Variants in FAM91A1 observed in about 807,000 individuals in gnomAD.
FAM91A1 encodes the protein family with sequence similarity 91 member A1.
In FAM91A1, 41 loss-of-function variants were observed where a neutral mutation model predicts 113.5. That is an observed-to-expected ratio of 0.36 (90% CI 0.28 to 0.47). FAM91A1 has a LOEUF of 0.47. FAM91A1 is among the 20% of genes least tolerant of loss of function. The probability of loss-of-function intolerance (pLI) is 1.00; values close to 1 mark genes in which losing one functional copy is unlikely to be tolerated. For synonymous variants in FAM91A1, 307 were observed against 347.9 expected (o/e 0.88, Z 1.31); for missense variants, 696 against 1,001.2 (o/e 0.70, Z 4.11).
chr8:123,800,931 G>A (rs1487335887), intron 18 of FAM91A1, among the ~76,000 whole-genome samples: 1 of 152,100 alleles, frequency 6.6e-6, no homozygotes, highest in East Asian at 1.9e-4. Flanking sequence ...ATCAGTTGAT[G>A]GACATGTGGG....
Position 123,812,434 on chromosome 8 carries a change from A to G in FAM91A1, c.2332-85A>G, listed in dbSNP as rs576393754. On this transcript the variant is annotated intron_variant, in intron 23 of 23. Coordinates refer to ENST00000334705, the MANE Select transcript of FAM91A1 (RefSeq NM_144963.4). ...GCAATCCATAAACACTTCTCAGGTA[A>G]TCAAGGTCTCTCTTTCTCATTAGTT... is the stretch of plus-strand genomic sequence containing the variant. The G allele has an allele frequency of 3.0e-5, 36 of 1,208,068 alleles. No homozygotes were observed. The East Asian group carries it at 8.3e-4, about 28-fold the overall frequency. The allele number at this position is 1,208,068 out of a possible 1,614,324, so 74.8% of individuals were successfully genotyped here.
intron 2 of FAM91A1, among the ~76,000 whole-genome samples, chr8:123,774,719 A>G (rs548325315): frequency 3.3e-4 from 51 of 152,248 alleles, no homozygotes; most frequent in South Asian, 1.9e-3. Context: ...TTCTTCATGA[A>G]CATTTTCCAT....
rs1221019163 is a variant in FAM91A1, at chr8:123,815,421, A to T, written c.*2717A>T. ...TGACACATATAACATGTTTACAAAT[A>T]AACTGTGGTATTGATCAAGTTACTA... On this transcript the variant is annotated 3_prime_UTR_variant, in exon 24 of 24. Transcript: ENST00000334705. The T allele has an allele frequency of 5.2e-5, 8 of 152,656 alleles. No homozygotes were observed. In the East Asian group the frequency reaches 7.7e-4, roughly 15 times the overall value. 9.5% of individuals were successfully genotyped at this position (152,656 alleles called of 1,614,324 possible). A position where few individuals can be genotyped will look rare whatever the true frequency, so the allele number is the denominator to read the frequency against.
chr8:123,791,984 G>A (rs1029400744), intron 15 of FAM91A1, among the ~76,000 whole-genome samples: 2 of 152,130 alleles, frequency 1.3e-5, no homozygotes, highest in Non-Finnish European at 2.9e-5. Flanking sequence ...ACACCAGCAT[G>A]GCCAACATGG....
At chr8:123,777,233 A>ATTTTTTTCTT in intron 3 of FAM91A1, 32 bp from the exon 4 acceptor site, 1 of 1,392,956 alleles carries the variant, frequency 7.2e-7, no homozygotes, top group Non-Finnish European at 1.0e-6. Flanking sequence ...GACATTTTAG[A>ATTTTTTTCTT]TTTCAAATTT....
chr8:123,776,427 G>T (rs1031579121), intron 3 of FAM91A1, among the ~76,000 whole-genome samples: 1 of 152,194 alleles, frequency 6.6e-6, no homozygotes, highest in Admixed American at 6.5e-5. Context: ...CTTCATGGGT[G>T]CTTCTGCAGT....
chr8:123,782,456 T>C (rs1319659255), intron 8 of FAM91A1, among the ~76,000 whole-genome samples: 1 of 152,200 alleles, frequency 6.6e-6, no homozygotes, highest in South Asian at 2.1e-4. Flanking sequence ...GATATAAATA[T>C]AAATGGAGAT....
chr8:123,786,020 T>C (rs539986525), intron 11 of FAM91A1: 78 of 428,606 alleles, frequency 1.8e-4, no homozygotes, highest in African/African-American at 1.4e-3. Flanking sequence ...GGTTTCACCA[T>C]GTTAGCCAGG....
At chr8:123,781,842 C>T (rs934543029) in intron 8 of FAM91A1, among the ~76,000 whole-genome samples, 2 of 152,080 alleles carry the variant, frequency 1.3e-5, no homozygotes, top group Non-Finnish European at 1.5e-5. Flanking sequence ...TACTAATTTG[C>T]GTTTGTATAG....
chr8:123,793,274 A>G (rs371765407), intron 15 of FAM91A1, among the ~76,000 whole-genome samples: 1 of 152,106 alleles, frequency 6.6e-6, no homozygotes. Context: ...GTGGGGAGAT[A>G]CTTTGAGACC....
In FAM91A1 at chr8:123,814,343, ATTT is replaced by A; in HGVS notation, c.*1649_*1651del. 3 of 193,190 alleles carry A rather than the reference ATTT, an allele frequency of 1.6e-5. No individual in the cohort carries two copies. The highest frequency in any genetic ancestry group is 2.1e-5 in the Non-Finnish European group (2 of 95,202). 12.0% of individuals were successfully genotyped at this position (193,190 alleles called of 1,614,324 possible). A position where few individuals can be genotyped will look rare whatever the true frequency, so the allele number is the denominator to read the frequency against. On this transcript the variant is annotated 3_prime_UTR_variant, in exon 24 of 24. Coordinates refer to ENST00000334705, the MANE Select transcript of FAM91A1 (RefSeq NM_144963.4). ...AGTTTTTCAGCTGAAAGTTGTAAGT[ATTT>A]TTTTTTTTTGATCGGGGCTCTTTAA...
In FAM91A1 at chr8:123,778,576, A is replaced by G. The variant is rs1281870846; in HGVS notation, c.436-83A>G. 5 of 917,054 alleles carry G rather than the reference A, an allele frequency of 5.5e-6. No individual in the cohort carries two copies. In the African/African-American group the frequency reaches 8.3e-5, roughly 15 times the overall value. The allele number at this position is 917,054 out of a possible 1,614,324, so 56.8% of individuals were successfully genotyped here. A position where few individuals can be genotyped will look rare whatever the true frequency, so the allele number is the denominator to read the frequency against. ...TAAGAAGATATTTATTTAGTCCATT[A>G]GAAACAATCTTATGATATGATTGAT... On this transcript the variant is annotated intron_variant, in intron 5 of 23. Coordinates refer to ENST00000334705, the MANE Select transcript of FAM91A1 (RefSeq NM_144963.4).
chr8:123,810,935 G>A (rs1815939811), intron 23 of FAM91A1: 1 of 152,800 alleles, frequency 6.5e-6, no homozygotes. Context: ...AAACAGTGAT[G>A]TGTAAGATAC....
At chr8:123,791,410 C>T (rs996456067) in intron 15 of FAM91A1, among the ~76,000 whole-genome samples, 2 of 151,952 alleles carry the variant, frequency 1.3e-5, no homozygotes, top group African/African-American at 4.8e-5. Flanking sequence ...AATTTTTTCC[C>T]CATGAATAGT....
rs75033407 is a variant in FAM91A1, at chr8:123,790,174, G to T, written c.1411+429G>T. Among the ~76,000 whole-genome samples the T allele has an allele frequency of 3.0e-4, 46 of 152,274 alleles. No homozygotes were observed. The East Asian group carries it at 8.5e-3, about 28-fold the overall frequency. ...AATGCTACTGCAATACTTACCAAAA[G>T]ATTTTACTTTTAAAAAGGAAATAGA... On this transcript the variant is annotated intron_variant, in intron 15 of 23. Coordinates refer to ENST00000334705, the MANE Select transcript of FAM91A1 (RefSeq NM_144963.4).
At position 123,784,677 on chromosome 8, in the gene FAM91A1, A is replaced by G. The variant is rs532795991; in HGVS notation, c.810+101A>G. 86 of 702,652 alleles carry G rather than the reference A, an allele frequency of 1.2e-4. 2 individuals carry two copies. The highest frequency in any genetic ancestry group is 9.6e-4 in the Middle Eastern group (3 of 3,134). The allele number at this position is 702,652 out of a possible 1,614,324, so 43.5% of individuals were successfully genotyped here. A position where few individuals can be genotyped will look rare whatever the true frequency, so the allele number is the denominator to read the frequency against. ...ATGGTAGTATCTTTTTAAAATCTCC[A>G]TGTGGGGAGATCATACCATTATTAC... is the stretch of plus-strand genomic sequence containing the variant. On this transcript the variant is annotated intron_variant, in intron 9 of 23. Coordinates refer to ENST00000334705, the MANE Select transcript of FAM91A1 (RefSeq NM_144963.4).
intron 22 of FAM91A1, among the ~76,000 whole-genome samples, chr8:123,809,383 A>G (rs375994644): frequency 6.6e-6 from 1 of 152,192 alleles, no homozygotes; most frequent in African/African-American, 2.4e-5. Context: ...ACACACACTC[A>G]TGTTATATTC....
At position 123,794,522 on chromosome 8, in the gene FAM91A1, T is replaced by C. The variant is rs1815461299; in HGVS notation, c.1412-3568T>C. Among the ~76,000 whole-genome samples the C allele has an allele frequency of 2.0e-5, 3 of 152,232 alleles. No individual in the cohort carries two copies. In the South Asian group the frequency reaches 6.2e-4, roughly 32 times the overall value. ...TTACCTGTAGTACATATGGTACTAC[T>C]GTAATAATTTTGTAGGTATCTCTTG... On this transcript the variant is annotated intron_variant, in intron 15 of 23. Coordinates refer to ENST00000334705, the MANE Select transcript of FAM91A1 (RefSeq NM_144963.4).
At chr8:123,805,448 C>G (rs1251909131) in intron 19 of FAM91A1, 109 bp downstream of exon 19, 2 of 926,404 alleles carry the variant, frequency 2.2e-6, no homozygotes, top group Admixed American at 2.7e-5. Context: ...TTTTTAAGTT[C>G]TAGGTTCTTT....
Sources: gnomAD v4.1 joint callset for allele counts (sites outside exome capture counted in the v4.1 genomes callset) on GRCh38, gnomAD v4.1.1 for gene constraint, MANE v1.5 for transcripts, NCBI Gene and HGNC (gene_info 2026-07-23, HGNC 2026-07-21) for gene names.